SRPK2: variants seen among roughly 807,000 people sequenced by gnomAD.
SRPK2 encodes SFRS protein kinase 2.
Under a neutral mutation model 90.8 loss-of-function variants are expected in SRPK2, and 21 were observed. The observed-to-expected ratio is 0.23, with a 90% CI of 0.16 to 0.33. SRPK2 has a LOEUF of 0.33. Ranked by LOEUF, SRPK2 falls within the 10% of genes least tolerant of loss-of-function variation. The pLI, the probability that SRPK2 is intolerant of heterozygous loss-of-function variation, is 1.00. For missense variants in SRPK2, 620 were observed against 869.0 expected (o/e 0.71, Z 3.60); for synonymous variants, 288 against 311.1 (o/e 0.93, Z 0.78).
At chr7:105,356,543 C>T (rs1038841700) in intron 2 of SRPK2, among the ~76,000 whole-genome samples, 1 of 152,078 alleles carries the variant, frequency 6.6e-6, no homozygotes, top group Admixed American at 6.6e-5. Context: ...AAATGTTACT[C>T]ACTATATTAG....
chr7:105,273,916 T>G (rs544971017), intron 2 of SRPK2, among the ~76,000 whole-genome samples: 2 of 152,270 alleles, frequency 1.3e-5, no homozygotes, highest in African/African-American at 4.8e-5. Flanking sequence ...TAACCAAAGA[T>G]CCAAGCAATT....
chr7:105,312,052 A>G (rs899211682), intron 2 of SRPK2, among the ~76,000 whole-genome samples: 17 of 152,232 alleles, frequency 1.1e-4, no homozygotes, highest in African/African-American at 3.9e-4. Flanking sequence ...ATGCTACAAC[A>G]TGGATGGACA....
chr7:105,380,508 T>G (rs891258889), intron 2 of SRPK2, among the ~76,000 whole-genome samples: 1 of 147,290 alleles, frequency 6.8e-6, no homozygotes, highest in African/African-American at 2.5e-5. Flanking sequence ...ATACCCTAAA[T>G]TAACATGCTA....
intron 3 of SRPK2, among the ~76,000 whole-genome samples, chr7:105,198,297 G>A (rs1388188823): frequency 6.6e-6 from 1 of 152,060 alleles, no homozygotes; most frequent in African/African-American, 2.4e-5. Context: ...AACCCCACAT[G>A]AAACACAAAT....
At chr7:105,233,078 GGAAAGGAAGGAAAGAA>G (rs943427627) in intron 2 of SRPK2, among the ~76,000 whole-genome samples, 7 of 127,362 alleles carry the variant, frequency 5.5e-5, no homozygotes, top group African/African-American at 2.1e-4. Context: ...AAGGAAGGAA[GGAAAGGAAGGAAAGAA>G]GGAAGGAAGG....
At chr7:105,395,913 T>C (rs976265768) in intron 1 of SRPK2, among the ~76,000 whole-genome samples, 4 of 152,112 alleles carry the variant, frequency 2.6e-5, no homozygotes, top group Admixed American at 1.3e-4. Flanking sequence ...TTAAAATTAT[T>C]TTTATTTATT....
chr7:105,234,337 G>A (rs372335751), intron 2 of SRPK2, among the ~76,000 whole-genome samples: 1 of 152,272 alleles, frequency 6.6e-6, no homozygotes, highest in African/African-American at 2.4e-5. Flanking sequence ...TTTTTGAAAT[G>A]TAAACTAATA....
chr7:105,358,033 G>A (rs772100770), intron 2 of SRPK2, among the ~76,000 whole-genome samples: 3 of 151,692 alleles, frequency 2.0e-5, no homozygotes, highest in Non-Finnish European at 4.4e-5. Context: ...AGACCATCCT[G>A]ACCAACATGG....
chr7:105,387,877 C>T (rs1243997613), intron 2 of SRPK2, among the ~76,000 whole-genome samples: 1 of 152,202 alleles, frequency 6.6e-6, no homozygotes, highest in Non-Finnish European at 1.5e-5. Context: ...AGCGGCCCCC[C>T]TGCTCGGGTG....
chr7:105,205,784 G>A (rs1010285771), intron 2 of SRPK2, among the ~76,000 whole-genome samples: 21 of 152,108 alleles, frequency 1.4e-4, no homozygotes, highest in African/African-American at 4.3e-4. Context: ...TTGAGATGAC[G>A]TCCAAAAGAA....
chr7:105,205,523 A>T (rs1366356315), intron 2 of SRPK2, among the ~76,000 whole-genome samples: 1,643 of 15,578 alleles, frequency 0.11, 17 homozygotes, highest in African/African-American at 0.21. Flanking sequence ...TCTCTCACAC[A>T]CACACACACA....
At chr7:105,199,609 G>C (rs940534571) in intron 3 of SRPK2, among the ~76,000 whole-genome samples, 1 of 152,136 alleles carries the variant, frequency 6.6e-6, no homozygotes, top group Non-Finnish European at 1.5e-5. Flanking sequence ...AATCAACTAA[G>C]TCAACGCAAT....
chr7:105,134,568 A>C (rs1802522370), intron 11 of SRPK2, among the ~76,000 whole-genome samples: 1 of 152,236 alleles, frequency 6.6e-6, no homozygotes, highest in African/African-American at 2.4e-5. Flanking sequence ...TGTTTCCTTG[A>C]AGCTGGGCAC....
At chr7:105,312,633 T>C (rs1447662319) in intron 2 of SRPK2, among the ~76,000 whole-genome samples, 1 of 152,102 alleles carries the variant, frequency 6.6e-6, no homozygotes, top group African/African-American at 2.4e-5. Flanking sequence ...TCAACAAATA[T>C]AATAAAACCC....
chr7:105,247,515 A>AACACGCACACACACACACAC (rs1380143242), intron 2 of SRPK2, among the ~76,000 whole-genome samples: 1 of 92,580 alleles, frequency 1.1e-5, no homozygotes, highest in African/African-American at 4.1e-5. Context: ...CATACCAAAA[A>AACACGCACACACACACACAC]ACACACACAC....
At chr7:105,288,414 T>C (rs966432216) in intron 2 of SRPK2, among the ~76,000 whole-genome samples, 3 of 151,976 alleles carry the variant, frequency 2.0e-5, no homozygotes, top group Non-Finnish European at 4.4e-5. Flanking sequence ...GCCAACACAG[T>C]GAACCCTATC....
upstream of SRPK2, among the ~76,000 whole-genome samples, chr7:105,393,517 C>G (rs934595208): frequency 1.3e-3 from 50 of 38,636 alleles, no homozygotes; most frequent in Admixed American, 3.3e-3. Flanking sequence ...TTCTTTCTTT[C>G]TTTGTTTCTG....
chr7:105,312,487 T>C (rs1811832765), intron 2 of SRPK2, among the ~76,000 whole-genome samples: 1 of 142,306 alleles, frequency 7.0e-6, no homozygotes, highest in African/African-American at 2.6e-5. Flanking sequence ...GAAAACATTA[T>C]ACTATGTAAA....
At chr7:105,298,869 G>C (rs1810184230) in intron 2 of SRPK2, 1 of 846,776 alleles carries the variant, frequency 1.2e-6, no homozygotes, top group African/African-American at 1.8e-5. Flanking sequence ...TTTCCAGGGA[G>C]ACAATGTAGG....
Sources: gnomAD v4.1 joint callset for allele counts (sites outside exome capture counted in the v4.1 genomes callset) on GRCh38, gnomAD v4.1.1 for gene constraint, MANE v1.5 for transcripts, NCBI Gene and HGNC (gene_info 2026-07-23, HGNC 2026-07-21) for gene names.